Variants in PUDP observed in about 807,000 individuals in gnomAD.
PUDP encodes pseudouridine 5'-phosphatase, also known as pseudouridine-5'-phosphatase.
PUDP carries 8 observed loss-of-function variants against 9.4 expected under a neutral mutation model. The observed-to-expected ratio is 0.85, with a 90% CI of 0.50 to 1.53. The LOEUF is 1.53. Among genes scored for constraint, PUDP ranks in the 40% most tolerant of loss-of-function variants. The pLI is 0.00. For missense variants in PUDP, 188 were observed against 189.7 expected (o/e 0.99, Z 0.05); for synonymous variants, 99 against 80.7 (o/e 1.23, Z -1.22).
chrX:6,798,430 T>C (rs1925877955), intron 3 of PUDP, among the ~76,000 whole-genome samples: 1 of 111,911 alleles, frequency 8.9e-6, no homozygotes, highest in Non-Finnish European at 1.9e-5. Flanking sequence ...CATGTTACAA[T>C]GCATAATCTC....
At chrX:6,873,667 T>A (rs1961730425) in intron 3 of PUDP, among the ~76,000 whole-genome samples, 1 of 111,902 alleles carries the variant, frequency 8.9e-6, no homozygotes, top group Admixed American at 9.6e-5. Flanking sequence ...ACTCACCTGG[T>A]ATTAGATTAT....
intron 3 of PUDP, among the ~76,000 whole-genome samples, chrX:6,803,812 A>G (rs937372387): frequency 1.8e-5 from 2 of 111,951 alleles, no homozygotes; most frequent in Non-Finnish European, 3.8e-5. Context: ...GCATCGATCA[A>G]TTCTCCAGAT....
chrX:7,017,439 G>C (rs1021426944), intron 1 of PUDP, among the ~76,000 whole-genome samples: 2 of 112,197 alleles, frequency 1.8e-5, no homozygotes, highest in African/African-American at 6.5e-5. Context: ...CTGCAATGGG[G>C]AATGGGACTG....
chrX:7,079,257 TA>T (rs1931010124), intron 2 of PUDP, among the ~76,000 whole-genome samples: 18 of 112,581 alleles, frequency 1.6e-4, no homozygotes, highest in Admixed American at 1.5e-3. Flanking sequence ...TAATGACAAA[TA>T]GATCAGTTCA....
chrX:7,091,210 G>A (rs767023530), intron 2 of PUDP, among the ~76,000 whole-genome samples: 4 of 111,837 alleles, frequency 3.6e-5, no homozygotes, highest in South Asian at 3.8e-4. Context: ...GAAAGATACC[G>A]AGGAACAGTA....
rs73463729 is a variant in PUDP, at chrX:7,116,069, G to A, written c.62-10231C>T. On this transcript the variant is annotated intron_variant, in intron 1 of 3. Coordinates refer to ENST00000381077, the MANE Select transcript of PUDP (RefSeq NM_012080.5). The stretch of plus-strand genomic sequence containing the variant: ...AATGAAAATCTCTTCAAATGAGAAC[G>A]AGCAGAGGCTATTCATTCAGAGATT... 6.4e-3 allele frequency among the ~76,000 whole-genome samples: 723 copies of A among 112,683 alleles called. 9 individuals carry two copies. The highest frequency in any genetic ancestry group is 0.022 in the African/African-American group (689 of 31,025).
rs761426446 is a variant in PUDP, at chrX:6,894,150, G to T, written c.*247+82983C>A. Among the ~76,000 whole-genome samples the T allele has an allele frequency of 3.6e-5, 4 of 110,905 alleles. No individual in the cohort carries two copies. In the South Asian group the frequency reaches 1.6e-3, roughly 43 times the overall value. On this transcript the variant is annotated intron_variant and NMD_transcript_variant, in intron 3 of 3. Coordinates refer to the PUDP transcript ENST00000655425. ...CAGGAAAAATAGCTAAGGGATGCTGGGCTTAATACCTGGGTGATGGGATGA... is the reference window on the plus strand; with the variant it reads ...CAGGAAAAATAGCTAAGGGATGCTGTGCTTAATACCTGGGTGATGGGATGA...
intron 3 of PUDP, among the ~76,000 whole-genome samples, chrX:6,936,812 A>G (rs1218165528): frequency 1.0e-4 from 10 of 98,513 alleles, no homozygotes; most frequent in Non-Finnish European, 4.1e-5. Context: ...TCAATGTACA[A>G]AAATCACAAG....
chrX:6,828,110 A>G (rs1398999781), intron 3 of PUDP, among the ~76,000 whole-genome samples: 1 of 111,808 alleles, frequency 8.9e-6, no homozygotes, highest in African/African-American at 3.2e-5. Context: ...TGCTACAGGC[A>G]TCTTTGGGGA....
intron 3 of PUDP, among the ~76,000 whole-genome samples, chrX:6,877,291 T>C (rs751160539): frequency 9.0e-6 from 1 of 111,170 alleles, no homozygotes; most frequent in East Asian, 2.8e-4. Context: ...TCCTGTACTT[T>C]TGGGTCTTCT....
At chrX:6,853,771 AT>A (rs775510222) in intron 3 of PUDP, among the ~76,000 whole-genome samples, 9 of 109,745 alleles carry the variant, frequency 8.2e-5, no homozygotes, top group South Asian at 7.8e-4. Context: ...ATGTTTTTAA[AT>A]TTTTTTTTAA....
intron 3 of PUDP, among the ~76,000 whole-genome samples, chrX:6,894,238 T>A (rs984694374): frequency 1.8e-5 from 2 of 111,179 alleles, no homozygotes; most frequent in African/African-American, 6.5e-5. Context: ...ATCCTGCACA[T>A]GTACCACGGA....
rs1214797379 is a variant in PUDP at position 6,936,137 on chromosome X, G to A, written c.*247+40996C>T. 8.5e-5 allele frequency among the ~76,000 whole-genome samples: 9 copies of A among 105,644 alleles called. No individual in the cohort carries two copies. In the East Asian group the frequency reaches 2.7e-3, roughly 32 times the overall value. 91.7% of individuals were successfully genotyped at this position (105,644 alleles called of 115,157 possible). ...GAATCCTCCCTAACTCTTTTTATGA[G>A]GCCAGCATCATTCTGATACCAAAGC... On this transcript the variant is annotated intron_variant and NMD_transcript_variant, in intron 3 of 3. Coordinates refer to the PUDP transcript ENST00000655425.
intron 3 of PUDP, among the ~76,000 whole-genome samples, chrX:6,889,000 G>T (rs1436361032): frequency 8.9e-6 from 1 of 112,379 alleles, no homozygotes; most frequent in Non-Finnish European, 1.9e-5. Context: ...CAAGGGAAAC[G>T]TATGATTTGG....
chrX:7,103,882 A>G (rs1322017023), intron 2 of PUDP, among the ~76,000 whole-genome samples: 1 of 112,386 alleles, frequency 8.9e-6, no homozygotes, highest in Non-Finnish European at 1.9e-5. Context: ...TACTATCAAA[A>G]AAATCCAGGA....
At chrX:6,899,340 T>C (rs1220383628) in intron 3 of PUDP, among the ~76,000 whole-genome samples, 3 of 112,771 alleles carry the variant, frequency 2.7e-5, no homozygotes, top group Non-Finnish European at 5.6e-5. Context: ...TCCCAGCACT[T>C]TGGGAGGCCG....
At position 7,057,658 on chromosome X, in the gene PUDP, T is replaced by C. The variant is rs1397056983; in HGVS notation, c.511-7186A>G. 1.4e-4 allele frequency: 155 copies of C among 1,135,412 alleles called. 2 individuals are homozygous for C. In the East Asian group the frequency reaches 5.0e-3, roughly 37 times the overall value. 93.6% of individuals were successfully genotyped at this position (1,135,412 alleles called of 1,213,427 possible). A position where few individuals can be genotyped will look rare whatever the true frequency, so the allele number is the denominator to read the frequency against. On this transcript the variant is annotated intron_variant, in intron 3 of 3. Transcript: ENST00000381077. ...TTGAGGCCATCGTGGGACACCCAAG[T>C]AGAAGGCTCGGGGTCTCCATGCACT...
At chrX:6,947,546 G>C (rs940137610) in intron 3 of PUDP, among the ~76,000 whole-genome samples, 1 of 111,930 alleles carries the variant, frequency 8.9e-6, no homozygotes, top group Non-Finnish European at 1.9e-5. Flanking sequence ...TAATCCCAAC[G>C]CTTTGAGAGG....
intron 3 of PUDP, among the ~76,000 whole-genome samples, chrX:6,747,131 T>G (rs1188376466): frequency 8.9e-6 from 1 of 112,087 alleles, no homozygotes; most frequent in African/African-American, 3.2e-5. Flanking sequence ...TTGGCCGTTT[T>G]TAAGTAGAGT....
Sources: allele counts gnomAD v4.1 joint callset (sites outside exome capture counted in the v4.1 genomes callset), GRCh38; gene constraint gnomAD v4.1.1; transcripts MANE v1.5; gene names NCBI Gene and HGNC (gene_info 2026-07-23, HGNC 2026-07-21).